PREX2: variants seen among roughly 807,000 people sequenced by gnomAD.
The protein encoded by PREX2 is phosphatidylinositol-3,4,5-trisphosphate dependent Rac exchange factor 2.
Under a neutral mutation model 203.2 loss-of-function variants are expected in PREX2, and 107 were observed. The observed-to-expected ratio is 0.53, with a 90% confidence interval of 0.45 to 0.62. The LOEUF is 0.62. PREX2 is among the 20% of genes least tolerant of loss of function. The pLI, the probability that PREX2 is intolerant of heterozygous loss-of-function variation, is 0.00. For missense variants in PREX2, 1,777 were observed against 1,955.9 expected (o/e 0.91, Z 1.72); for synonymous variants, 672 against 663.6 (o/e 1.01, Z -0.19).
At chr8:68,175,721 G>A (rs1012158872) in intron 35 of PREX2, among the ~76,000 whole-genome samples, 2 of 152,118 alleles carry the variant, frequency 1.3e-5, no homozygotes, top group African/African-American at 2.4e-5. Flanking sequence ...AGGGAAGAAG[G>A]ATTCATCTGT....
chr8:68,112,860 T>TTCA (rs1267379678), intron 25 of PREX2, among the ~76,000 whole-genome samples: 1 of 152,170 alleles, frequency 6.6e-6, no homozygotes, highest in Non-Finnish European at 1.5e-5. Flanking sequence ...ATTAAATGAA[T>TTCA]TCATACCTGT....
chr8:68,031,953 C>T (rs950693985), intron 6 of PREX2, among the ~76,000 whole-genome samples: 5 of 152,072 alleles, frequency 3.3e-5, no homozygotes. Flanking sequence ...TTTTTCAGCA[C>T]TCTAGGGAAA....
intron 14 of PREX2, among the ~76,000 whole-genome samples, chr8:68,076,685 TCACACACACACACA>T (rs57701553): frequency 0.035 from 5,004 of 143,688 alleles, 231 homozygotes; most frequent in African/African-American, 0.1. Context: ...AACTCTAAGG[TCACACACACACACA>T]CACACACACA....
At chr8:67,994,450 C>G (rs1806706376) in intron 1 of PREX2, among the ~76,000 whole-genome samples, 1 of 152,144 alleles carries the variant, frequency 6.6e-6, no homozygotes, top group Admixed American at 6.5e-5. Context: ...GGGGTTCTTT[C>G]AATGATTGCA....
chr8:68,119,044 G>A (rs1394716848), intron 27 of PREX2, among the ~76,000 whole-genome samples: 1 of 152,188 alleles, frequency 6.6e-6, no homozygotes, highest in African/African-American at 2.4e-5. Context: ...GTTGAGGATT[G>A]AGGGTAATGA....
intron 20 of PREX2, among the ~76,000 whole-genome samples, chr8:68,091,122 G>T (rs1165324166): frequency 1.3e-5 from 2 of 152,030 alleles, no homozygotes; most frequent in African/African-American, 2.4e-5. Context: ...CTGTGAAAAA[G>T]CAAAAATTGT....
At chr8:67,956,129 T>G (rs567204950) in intron 1 of PREX2, among the ~76,000 whole-genome samples, 18 of 152,360 alleles carry the variant, frequency 1.2e-4, no homozygotes, top group Admixed American at 6.5e-4. Flanking sequence ...TTGTTTTGCT[T>G]GGGAAATGAA....
chr8:67,952,213 C>A lies in PREX2; in HGVS notation c.-182C>A. ...CCCCGCGCCCCCCGCGCCGGGATTTCAGCCCGATCCCCTCCTCTCCCTGCG... is the reference window on the plus strand; with the variant it reads ...CCCCGCGCCCCCCGCGCCGGGATTTAAGCCCGATCCCCTCCTCTCCCTGCG... On this transcript the variant is annotated 5_prime_UTR_variant, in exon 1 of 40. Transcript: ENST00000288368. 1 of 465,658 alleles carries A rather than the reference C, an allele frequency of 2.1e-6. No individual in the cohort carries two copies. Among genetic ancestry groups the A allele is most frequent in the Non-Finnish European group, 3.4e-6 (1 of 295,358 alleles). The allele number at this position is 465,658 out of a possible 1,614,324, so 28.8% of individuals were successfully genotyped here. A position where few individuals can be genotyped will look rare whatever the true frequency, so the allele number is the denominator to read the frequency against.
intron 27 of PREX2, chr8:68,118,943 A>C: frequency 1.8e-6 from 1 of 549,780 alleles, no homozygotes; most frequent in South Asian, 1.5e-5. Flanking sequence ...AATATACTGG[A>C]AGTATTAGGC....
At chr8:68,163,322 T>G (rs1301727378) in intron 35 of PREX2, among the ~76,000 whole-genome samples, 1 of 152,214 alleles carries the variant, frequency 6.6e-6, no homozygotes, top group Non-Finnish European at 1.5e-5. Context: ...TTCATGTGGC[T>G]GAAGCCCTTA....
intron 35 of PREX2, among the ~76,000 whole-genome samples, chr8:68,185,753 A>G (rs1812176776): frequency 6.7e-6 from 1 of 149,468 alleles, no homozygotes; most frequent in Non-Finnish European, 1.5e-5. Context: ...TAATATATTT[A>G]TTTTACATGG....
At chr8:67,991,372 T>C (rs4554448) in intron 1 of PREX2, among the ~76,000 whole-genome samples, 14,233 of 152,108 alleles carry the variant, frequency 0.094, 844 homozygotes, top group Non-Finnish European at 0.13. Flanking sequence ...ATACGCACAT[T>C]GCTATAAGGA....
At chr8:68,190,374 T>A (rs1056964336) in intron 35 of PREX2, among the ~76,000 whole-genome samples, 8 of 152,050 alleles carry the variant, frequency 5.3e-5, no homozygotes, top group South Asian at 2.1e-4. Flanking sequence ...ACTGTATGCT[T>A]GAGAATGCTC....
intron 11 of PREX2, 88 bp from the exon 12 acceptor site, chr8:68,068,945 G>T: frequency 2.0e-6 from 1 of 506,288 alleles, no homozygotes; most frequent in Non-Finnish European, 3.3e-6. Context: ...TTTAGTATTT[G>T]GGAATAAGTA....
intron 19 of PREX2, 76 bp from the exon 20 acceptor site, chr8:68,090,503 C>A: frequency 7.7e-7 from 1 of 1,295,466 alleles, no homozygotes; most frequent in South Asian, 1.6e-5. Flanking sequence ...AAATTGCTTC[C>A]ATAATTGTAT....
At position 68,030,494 on chromosome 8, in the gene PREX2, C is replaced by T. The variant is rs1295544448; in HGVS notation, c.544-3C>T. ...GGCGATTTGTTTTTTTGTGTATAAACAGGAGTTGCTGAAGCGGACTCCACG... is the reference window on the plus strand; with the variant it reads ...GGCGATTTGTTTTTTTGTGTATAAATAGGAGTTGCTGAAGCGGACTCCACG... On this transcript the variant is annotated splice_polypyrimidine_tract_variant and splice_region_variant and intron_variant, in intron 5 of 39. Transcript: ENST00000288368. 6.2e-7 allele frequency: 1 copy of T among 1,612,190 alleles called. No homozygotes were observed. The highest frequency in any genetic ancestry group is 8.5e-7 in the Non-Finnish European group (1 of 1,178,824).
At position 67,994,729 on chromosome 8, in the gene PREX2, A is replaced by G. The variant is rs185327111; in HGVS notation, c.142-23117A>G. Among the ~76,000 whole-genome samples the G allele has an allele frequency of 1.4e-3, 216 of 152,308 alleles. 1 individual carries two copies. The highest frequency in any genetic ancestry group is 4.9e-3 in the African/African-American group (204 of 41,572). On this transcript the variant is annotated intron_variant, in intron 1 of 39. Coordinates refer to ENST00000288368, the MANE Select transcript of PREX2 (RefSeq NM_024870.4). ...ATTTGACCTGGTCTTCAAGAATTTTATCAACAACCAGCTTTCCTGACTAAA... is the reference window on the plus strand; with the variant it reads ...ATTTGACCTGGTCTTCAAGAATTTTGTCAACAACCAGCTTTCCTGACTAAA...
intron 1 of PREX2, among the ~76,000 whole-genome samples, chr8:67,979,872 G>T (rs73256083): frequency 0.022 from 3,302 of 152,222 alleles, 112 homozygotes; most frequent in African/African-American, 0.073. Flanking sequence ...ATACTACTCT[G>T]AGTACTTCAA....
chr8:68,113,543 T>C (rs1001044852), intron 25 of PREX2, among the ~76,000 whole-genome samples: 3 of 152,202 alleles, frequency 2.0e-5, no homozygotes, highest in African/African-American at 7.2e-5. Flanking sequence ...GTGTTTAAAA[T>C]CATCCATAGC....
Sources: gnomAD v4.1 joint callset for allele counts (sites outside exome capture counted in the v4.1 genomes callset) on GRCh38, gnomAD v4.1.1 for gene constraint, MANE v1.5 for transcripts, NCBI Gene and HGNC (gene_info 2026-07-23, HGNC 2026-07-21) for gene names.